FOXP4: variants seen among roughly 807,000 people sequenced by gnomAD.
The protein encoded by FOXP4 is forkhead box P4, also known as forkhead box protein P4.
FOXP4 carries 25 observed loss-of-function variants against 82.6 expected under a neutral mutation model. The observed-to-expected ratio is 0.30, with a 90% CI of 0.22 to 0.42. The LOEUF is 0.42. FOXP4 is among the 10% of genes least tolerant of loss of function. The pLI is 1.00. For missense variants in FOXP4, 785 were observed against 900.9 expected (o/e 0.87, Z 1.65); for synonymous variants, 415 against 388.2 (o/e 1.07, Z -0.81).
intron 14 of FOXP4, among the ~76,000 whole-genome samples, chr6:41,596,734 G>A (rs963557222): frequency 6.6e-6 from 1 of 152,130 alleles, no homozygotes. Context: ...CTGAGCATAT[G>A]TCTGACATGT....
In FOXP4 at chr6:41,593,891, A is replaced by G. The variant is rs551527006; in HGVS notation, c.1537-979A>G. 3.7e-4 allele frequency among the ~76,000 whole-genome samples: 57 copies of G among 152,312 alleles called. No individual in the cohort carries two copies. Among genetic ancestry groups the G allele is most frequent in the Non-Finnish European group, 6.6e-4 (45 of 68,022 alleles). On this transcript the variant is annotated intron_variant, in intron 13 of 16. Coordinates refer to ENST00000307972, the MANE Select transcript of FOXP4 (RefSeq NM_001012426.2). The surrounding 1 kb of genome is among the most constrained non-coding windows in gnomAD (Gnocchi z 4.1). Reference sequence around the variant, plus strand: ...CTTTCTTCCCCGTTTAGAAATGTAAAGAGGAGACAAGGATGGGGACGAGGC... The same window carrying G: ...CTTTCTTCCCCGTTTAGAAATGTAAGGAGGAGACAAGGATGGGGACGAGGC...
intron 1 of FOXP4, among the ~76,000 whole-genome samples, chr6:41,551,195 C>A (rs1562003967): frequency 6.6e-6 from 1 of 152,224 alleles, no homozygotes; most frequent in Non-Finnish European, 1.5e-5. Context: ...GCAGGGCACA[C>A]CTGCCTGATC....
At chr6:41,576,756 A>C (rs1886816) in intron 2 of FOXP4, among the ~76,000 whole-genome samples, 4 of 151,896 alleles carry the variant, frequency 2.6e-5, no homozygotes, top group African/African-American at 7.3e-5. Flanking sequence ...AGTTTTGCAG[A>C]TAAGGAGACT....
intron 2 of FOXP4, among the ~76,000 whole-genome samples, chr6:41,569,861 G>A (rs1306295774): frequency 6.6e-6 from 1 of 152,056 alleles, no homozygotes; most frequent in Non-Finnish European, 1.5e-5. Context: ...GATTCAAAAG[G>A]GTTGGGGGGC....
At chr6:41,598,714 G>A (rs1490426651) in intron 16 of FOXP4, 75 bp from the exon 17 acceptor site, 2 of 1,544,898 alleles carry the variant, frequency 1.3e-6, no homozygotes, top group Admixed American at 3.9e-5. Context: ...CAGAGTTCTG[G>A]GTGAGTTTGG....
At chr6:41,598,684 G>A (rs1330806418) in intron 16 of FOXP4, 105 bp from the exon 17 acceptor site, 29 of 1,474,400 alleles carry the variant, frequency 2.0e-5, no homozygotes, top group Non-Finnish European at 2.7e-5. Flanking sequence ...GGAGGGGGCT[G>A]TGGGCACCCC....
intron 1 of FOXP4, among the ~76,000 whole-genome samples, chr6:41,564,317 G>C (rs569685257): frequency 1.3e-5 from 2 of 152,306 alleles, no homozygotes; most frequent in Non-Finnish European, 2.9e-5. Context: ...TACTTGGGAG[G>C]CTGAGACAGG....
At chr6:41,584,918 CCCT>C in intron 4 of FOXP4, 27 bp downstream of exon 4, 1 of 1,589,164 alleles carries the variant, frequency 6.3e-7, no homozygotes, top group Non-Finnish European at 8.6e-7. Flanking sequence ...GGCAGCTGGT[CCCT>C]CCTCCTCTGC....
At chr6:41,575,336 A>G (rs1366357499) in intron 2 of FOXP4, among the ~76,000 whole-genome samples, 2 of 152,160 alleles carry the variant, frequency 1.3e-5, no homozygotes, top group Non-Finnish European at 1.5e-5. Context: ...CAGAGGCCAC[A>G]TTCTGTTTCT....
At chr6:41,577,388 CCA>C (rs922357573) in intron 2 of FOXP4, among the ~76,000 whole-genome samples, 1 of 152,168 alleles carries the variant, frequency 6.6e-6, no homozygotes, top group Admixed American at 6.5e-5. Context: ...TGCTCTGGCT[CCA>C]CAGTGAATGC....
At position 41,597,261 on chromosome 6, in the gene FOXP4, A is replaced by T. The variant is rs1766898924; in HGVS notation, c.1725+19A>T. The T allele has an allele frequency of 1.2e-6, 2 of 1,612,886 alleles. No homozygotes were observed. The highest frequency in any genetic ancestry group is 1.7e-6 in the Non-Finnish European group (2 of 1,179,328). On this transcript the variant is annotated intron_variant, in intron 15 of 16. Transcript: ENST00000307972. ...CTACCAGGTGACCTGCCCAGAGCCC[A>T]CCCACTCACCTCTACCTCCCGCCCC...
chr6:41,590,737 C>T (rs1269852777), intron 12 of FOXP4, among the ~76,000 whole-genome samples: 1 of 152,216 alleles, frequency 6.6e-6, no homozygotes, highest in Non-Finnish European at 1.5e-5. Context: ...CAAGCATGAA[C>T]TTACATCGAC....
intron 1 of FOXP4, among the ~76,000 whole-genome samples, chr6:41,559,218 T>C (rs1181539106): frequency 6.6e-6 from 1 of 152,228 alleles, no homozygotes; most frequent in Non-Finnish European, 1.5e-5. Context: ...TGTATCTGAC[T>C]TGGGCTTCTC....
intron 2 of FOXP4, among the ~76,000 whole-genome samples, chr6:41,576,560 G>T (rs562206310): frequency 7.2e-5 from 11 of 152,116 alleles, no homozygotes; most frequent in Non-Finnish European, 1.3e-4. Flanking sequence ...AGCCACAGGC[G>T]GGCGCATTTC....
intron 5 of FOXP4, among the ~76,000 whole-genome samples, chr6:41,586,522 G>C (rs1023375055): frequency 6.6e-6 from 1 of 152,224 alleles, no homozygotes; most frequent in Non-Finnish European, 1.5e-5. Context: ...CAGACTCCTT[G>C]ATTCTCTGTA....
intron 1 of FOXP4, among the ~76,000 whole-genome samples, chr6:41,565,315 G>A (rs559648679): frequency 2.0e-5 from 3 of 152,260 alleles, no homozygotes; most frequent in Non-Finnish European, 2.9e-5. Flanking sequence ...AGCCGAGATC[G>A]CACCACTGCA....
intron 2 of FOXP4, among the ~76,000 whole-genome samples, chr6:41,577,061 G>T (rs527675865): frequency 6.6e-6 from 1 of 151,930 alleles, no homozygotes; most frequent in Non-Finnish European, 1.5e-5. Context: ...CCTACCAGAC[G>T]TCTCACTGCC....
At chr6:41,589,707 G>T in intron 9 of FOXP4, 64 bp from the exon 10 acceptor site, 4 of 1,525,376 alleles carry the variant, frequency 2.6e-6, no homozygotes, top group Non-Finnish European at 3.6e-6. Context: ...CGGTGGAGGG[G>T]TGGGACAACA....
chr6:41,576,046 G>A (rs144650583), intron 2 of FOXP4, among the ~76,000 whole-genome samples: 5,812 of 143,666 alleles, frequency 0.04, 169 homozygotes, highest in South Asian at 0.078. Context: ...TTCCTCACCC[G>A]CAACCCCCCC....
Sources: gnomAD v4.1 joint callset for allele counts (sites outside exome capture counted in the v4.1 genomes callset) on GRCh38, gnomAD v4.1.1 for gene constraint, Gnocchi (gnomAD v3.1) non-coding constraint, MANE v1.5 for transcripts, NCBI Gene and HGNC (gene_info 2026-07-23, HGNC 2026-07-21) for gene names.